The following ANK1 variants were observed in gnomAD, a reference collection of about 807,000 sequenced individuals.
The protein encoded by ANK1 is ankyrin-1.
In ANK1, 51 loss-of-function variants were observed where a neutral mutation model predicts 210.4. That is an observed-to-expected ratio of 0.24 (90% CI 0.19 to 0.31). ANK1 has a LOEUF of 0.31. Ranked by LOEUF, ANK1 falls within the 10% of genes least tolerant of loss-of-function variation. The pLI, the probability that ANK1 is intolerant of heterozygous loss-of-function variation, is 1.00. For synonymous variants in ANK1, 967 were observed against 1,025.9 expected (o/e 0.94, Z 1.10); for missense variants, 2,051 against 2,504.4 (o/e 0.82, Z 3.86).
At chr8:41,763,853 T>G (rs1031807228) in intron 1 of ANK1, among the ~76,000 whole-genome samples, 1 of 150,654 alleles carries the variant, frequency 6.6e-6, no homozygotes, top group African/African-American at 2.4e-5. Flanking sequence ...TTGCTAAAGC[T>G]TTTTCTTTCT....
chr8:41,778,877 A>AG (rs1168324124), intron 1 of ANK1, among the ~76,000 whole-genome samples: 1 of 152,250 alleles, frequency 6.6e-6, no homozygotes, highest in Non-Finnish European at 1.5e-5. Context: ...CTGAACACAC[A>AG]GGCAGGAAGC....
chr8:41,870,095 C>G (rs73626657), intron 1 of ANK1, among the ~76,000 whole-genome samples: 13,568 of 151,974 alleles, frequency 0.089, 866 homozygotes, highest in East Asian at 0.18. Context: ...TTCAAGGACC[C>G]CTCTGCAAGT....
intron 12 of ANK1, 135 bp from the exon 13 acceptor site, chr8:41,717,186 T>C: frequency 1.2e-6 from 1 of 863,354 alleles, no homozygotes; most frequent in Non-Finnish European, 1.9e-6. Flanking sequence ...AGCAGGCAGC[T>C]CTTTAGCCTG....
At chr8:41,721,094 C>G (rs761947914) in intron 9 of ANK1, among the ~76,000 whole-genome samples, 5 of 152,164 alleles carry the variant, frequency 3.3e-5, no homozygotes, top group Non-Finnish European at 7.4e-5. Flanking sequence ...CAGTCTTAAC[C>G]CCCAGGACCT....
intron 1 of ANK1, among the ~76,000 whole-genome samples, chr8:41,852,305 G>T (rs929577335): frequency 6.6e-6 from 1 of 152,222 alleles, no homozygotes; most frequent in Non-Finnish European, 1.5e-5. Flanking sequence ...GCCCTAAGAC[G>T]TGGCCCCTGC....
At chr8:41,717,267 G>T (rs561080958) in intron 12 of ANK1, among the ~76,000 whole-genome samples, 169 of 152,326 alleles carry the variant, frequency 1.1e-3, no homozygotes, top group South Asian at 8.5e-3. Context: ...AGGTGCATGC[G>T]TGTATATGAG....
intron 1 of ANK1, among the ~76,000 whole-genome samples, chr8:41,816,368 A>G (rs1803333810): frequency 6.6e-6 from 1 of 152,258 alleles, no homozygotes; most frequent in African/African-American, 2.4e-5. Flanking sequence ...CTAAGAGATG[A>G]AAATTTGGTT....
chr8:41,792,953 C>T (rs541720142), intron 1 of ANK1, among the ~76,000 whole-genome samples: 2 of 152,348 alleles, frequency 1.3e-5, no homozygotes, highest in African/African-American at 2.4e-5. Flanking sequence ...GCCAAGGACA[C>T]AGCAGTGAAC....
intron 20 of ANK1, 53 bp from the exon 21 acceptor site, chr8:41,702,197 C>T (rs924479176): frequency 1.0e-5 from 15 of 1,484,370 alleles, no homozygotes; most frequent in Non-Finnish European, 1.3e-5. Flanking sequence ...GTCTAGGAGG[C>T]GGGGCTGGCT....
At chr8:41,786,037 T>C (rs1258672956) in intron 1 of ANK1, among the ~76,000 whole-genome samples, 3 of 152,240 alleles carry the variant, frequency 2.0e-5, no homozygotes, top group Non-Finnish European at 2.9e-5. Flanking sequence ...GATCGTCCCT[T>C]GATTCCCTCC....
intron 1 of ANK1, among the ~76,000 whole-genome samples, chr8:41,873,175 T>C (rs996558807): frequency 3.9e-5 from 6 of 152,228 alleles, no homozygotes; most frequent in Non-Finnish European, 4.4e-5. Flanking sequence ...ATTTAGTCTA[T>C]AAAGAAACTA....
chr8:41,688,292 G>A, intron 34 of ANK1, 62 bp from the exon 35 acceptor site: 1 of 1,549,628 alleles, frequency 6.5e-7, no homozygotes, highest in Non-Finnish European at 8.9e-7. Flanking sequence ...CAGGCCTGAG[G>A]ACACGGCCTG....
chr8:41,750,136 A>G (rs926968458), intron 2 of ANK1, among the ~76,000 whole-genome samples: 2 of 152,272 alleles, frequency 1.3e-5, no homozygotes. Context: ...TGGCTGCTGT[A>G]GAAAGTACTA....
chr8:41,752,648 C>T (rs547173438), intron 2 of ANK1, among the ~76,000 whole-genome samples: 1 of 152,262 alleles, frequency 6.6e-6, no homozygotes, highest in Admixed American at 6.5e-5. Flanking sequence ...CCGTGGAAGC[C>T]AGCCCTCGGA....
intron 1 of ANK1, among the ~76,000 whole-genome samples, chr8:41,882,792 C>G (rs933285759): frequency 6.6e-6 from 1 of 152,222 alleles, no homozygotes; most frequent in African/African-American, 2.4e-5. Flanking sequence ...GCTGCTTAGC[C>G]CCCTCTCCCT....
chr8:41,842,045 C>T (rs1054078438), intron 1 of ANK1, among the ~76,000 whole-genome samples: 5 of 152,220 alleles, frequency 3.3e-5, no homozygotes, highest in East Asian at 1.9e-4. Flanking sequence ...GTGGTAGGAG[C>T]GGCTGTAGAG....
At chr8:41,786,408 TAAAC>T (rs1316830764) in intron 1 of ANK1, among the ~76,000 whole-genome samples, 4 of 152,148 alleles carry the variant, frequency 2.6e-5, no homozygotes, top group African/African-American at 9.7e-5. Context: ...GGTAAAGAAA[TAAAC>T]AAAATTAGAT....
chr8:41,782,726 T>G (rs1273285947), intron 1 of ANK1, among the ~76,000 whole-genome samples: 2 of 152,236 alleles, frequency 1.3e-5, no homozygotes, highest in Non-Finnish European at 2.9e-5. Context: ...CTTCATCTTA[T>G]GCATTTGGAG....
Position 41,688,237 on chromosome 8 carries a change from A to G in ANK1, c.4184-7T>C. 2 of 1,613,968 alleles carry G rather than the reference A, an allele frequency of 1.2e-6. No individual in the cohort carries two copies. The highest frequency in any genetic ancestry group is 2.2e-5 in the South Asian group (2 of 91,050). On this transcript the variant is annotated splice_polypyrimidine_tract_variant and splice_region_variant and intron_variant, in intron 34 of 42. Coordinates refer to ENST00000289734, the MANE Select transcript of ANK1 (RefSeq NM_000037.4). ...TCTGTCCCACTGAGAGAACCTGGGG[A>G]GAAGCATTAGATTTCATTTAGTAGC...
Sources: allele counts gnomAD v4.1 joint callset (sites outside exome capture counted in the v4.1 genomes callset), GRCh38; gene constraint gnomAD v4.1.1; transcripts MANE v1.5; gene names NCBI Gene and HGNC (gene_info 2026-07-23, HGNC 2026-07-21).